PCDHGA4: variants seen among roughly 807,000 people sequenced by gnomAD.
PCDHGA4 encodes protocadherin gamma subfamily A, 4.
A neutral mutation model predicts 54.6 loss-of-function variants in PCDHGA4; 38 were observed. That is an observed-to-expected ratio of 0.70 (90% CI 0.54 to 0.91). The LOEUF (loss-of-function observed/expected upper bound fraction) is 0.91. Among genes scored for constraint, PCDHGA4 ranks in the 40% least tolerant of loss-of-function variants. The pLI is 0.00. For missense variants in PCDHGA4, 1,298 were observed against 1,220.9 expected, an observed-to-expected ratio of 1.06 and a Z score of -0.94; for synonymous variants, 511 against 512.9, an observed-to-expected ratio of 1.00 and a Z score of 0.05.
intron 1 of PCDHGA4, chr5:141,400,584 A>G (rs745551734): frequency 1.9e-6 from 3 of 1,609,038 alleles, no homozygotes; most frequent in Non-Finnish European, 8.5e-7. Flanking sequence ...TATTTACATG[A>G]AACTATCGTA....
At chr5:141,433,352 T>G (rs976015031) in intron 1 of PCDHGA4, 1 of 614,162 alleles carries the variant, frequency 1.6e-6, no homozygotes, top group Admixed American at 3.0e-5. Flanking sequence ...AGCCACCTAC[T>G]GTCTGCCTAT....
chr5:141,397,039 A>G (rs2093467837), intron 1 of PCDHGA4, among the ~76,000 whole-genome samples: 1 of 152,236 alleles, frequency 6.6e-6, no homozygotes, highest in Non-Finnish European at 1.5e-5. Context: ...CCACAAATTT[A>G]TGTAAATGAA....
Position 141,491,004 on chromosome 5 carries a change from G to T in PCDHGA4, c.2515-3803G>T. ...CTCGCTCTGCTCCTCCTGGCTCCTT[G>T]GTCACCAAGGTGACAGCCGTGGATG... On this transcript the variant is annotated intron_variant, in intron 1 of 3. Transcript: ENST00000571252. The surrounding 1 kb of genome is among the most constrained non-coding windows in gnomAD (Gnocchi z 6.9). The T allele has an allele frequency of 6.2e-7, 1 of 1,614,024 alleles. No individual in the cohort carries two copies. Among genetic ancestry groups the T allele is most frequent in the Non-Finnish European group, 8.5e-7 (1 of 1,180,026 alleles).
In PCDHGA4 at chr5:141,490,679, A is replaced by C; in HGVS notation, c.2515-4128A>C. On this transcript the variant is annotated intron_variant, in intron 1 of 3. Coordinates refer to ENST00000571252, the MANE Select transcript of PCDHGA4 (RefSeq NM_018917.4). The surrounding 1 kb of genome is among the most constrained non-coding windows in gnomAD (Gnocchi z 5.4). ...CTTCTTTGCACTGTGGCTGCCTCAG[A>C]TCCAGACACTGGGGATAATGCCCGC... 6.2e-7 allele frequency: 1 copy of C among 1,614,164 alleles called. No individual in the cohort carries two copies. The highest frequency in any genetic ancestry group is 8.5e-7 in the Non-Finnish European group (1 of 1,180,034).
chr5:141,415,325 C>A (rs1046074461), intron 1 of PCDHGA4: 2 of 1,614,094 alleles, frequency 1.2e-6, no homozygotes, highest in Non-Finnish European at 1.7e-6. Context: ...GTGCTGCTGG[C>A]GCACAGGCTG....
intron 1 of PCDHGA4, among the ~76,000 whole-genome samples, chr5:141,379,889 C>CTTTTTTTTTGTTTTTTTTTTTTTTTTT (rs1775948001): frequency 2.0e-5 from 1 of 50,830 alleles, no homozygotes; most frequent in Non-Finnish European, 3.9e-5. Context: ...GTGAAAGCCT[C>CTTTTTTTTTGTTTTTTTTTTTTTTTTT]TTTTTTTTTT....
chr5:141,372,235 C>T lies in PCDHGA4; in HGVS notation c.2514+14614C>T. The T allele has an allele frequency of 6.2e-7, 1 of 1,613,342 alleles. No homozygotes were observed. The highest frequency in any genetic ancestry group is 1.7e-5 in the Admixed American group (1 of 60,020). On this transcript the variant is annotated intron_variant, in intron 1 of 3. Coordinates refer to ENST00000571252, the MANE Select transcript of PCDHGA4 (RefSeq NM_018917.4). ...TACCACATTGTGCAGGCCAGCGAGC[C>T]CGGGCTGTTCAGCCTGGGCCTGCGC... is the stretch of plus-strand genomic sequence containing the variant.
At chr5:141,389,528 G>T (rs200792478) in intron 1 of PCDHGA4, 2 of 1,613,210 alleles carry the variant, frequency 1.2e-6, no homozygotes, top group Non-Finnish European at 1.7e-6. Flanking sequence ...GCCTGCGCGT[G>T]TTAGTGGACG....
At chr5:141,414,342 C>A in intron 1 of PCDHGA4, 2 of 1,613,810 alleles carry the variant, frequency 1.2e-6, no homozygotes, top group East Asian at 2.2e-5. Flanking sequence ...TAACCTGTTC[C>A]ATTTTGGCGT....
intron 1 of PCDHGA4, among the ~76,000 whole-genome samples, chr5:141,492,490 G>C (rs2099741140): frequency 6.6e-6 from 1 of 152,208 alleles, no homozygotes; most frequent in Non-Finnish European, 1.5e-5. Context: ...CCAGGACCAG[G>C]CGAGGACTCC....
Position 141,394,682 on chromosome 5 carries a change from G to A in PCDHGA4, c.2514+37061G>A, listed in dbSNP as rs546310598. 6.3e-5 allele frequency: 102 copies of A among 1,611,492 alleles called. No individual in the cohort carries two copies. The South Asian group carries it at 1.0e-3, about 16-fold the overall frequency. ...GACTCTTCTCGGTGGGTCTGCACAC[G>A]GGCGAGGTGCGCACGGCGCGAGCCC... On this transcript the variant is annotated intron_variant, in intron 1 of 3. Coordinates refer to ENST00000571252, the MANE Select transcript of PCDHGA4 (RefSeq NM_018917.4).
Position 141,384,980 on chromosome 5 carries a change from T to A in PCDHGA4, c.2514+27359T>A, listed in dbSNP as rs772144829. The A allele has an allele frequency of 1.1e-5, 18 of 1,614,040 alleles. No individual in the cohort carries two copies. In the South Asian group the frequency reaches 1.6e-4, roughly 15 times the overall value. On this transcript the variant is annotated intron_variant, in intron 1 of 3. Coordinates refer to ENST00000571252, the MANE Select transcript of PCDHGA4 (RefSeq NM_018917.4). Reference sequence around the variant, plus strand: ...AACTATGACCTCACGTTGTACCTGGTGGTGGCGGTGGCCACAGTCTCCTGC... The same window carrying A: ...AACTATGACCTCACGTTGTACCTGGAGGTGGCGGTGGCCACAGTCTCCTGC...
chr5:141,443,167 C>T (rs745545091), intron 1 of PCDHGA4, among the ~76,000 whole-genome samples: 4 of 152,084 alleles, frequency 2.6e-5, no homozygotes, highest in Non-Finnish European at 5.9e-5. Flanking sequence ...TTTCCCTACC[C>T]ATGTCCACTG....
chr5:141,358,211 G>C (rs1760853496), intron 1 of PCDHGA4, among the ~76,000 whole-genome samples: 1 of 152,100 alleles, frequency 6.6e-6, no homozygotes, highest in South Asian at 2.1e-4. Flanking sequence ...ATAAAATAAA[G>C]TAAAATAAAG....
rs760991586 is a variant in PCDHGA4, at chr5:141,355,909, G to A, written c.802G>A (p.Asp268Asn). ...TCTCATAATACTTGTGGATACCAAC[G>A]ATAATGCTCCCGTGTTCACTCAGCC... ...RILIILVDTN[D>N]NAPVFTQPEY... The change falls in exon 1 of 4, where the codon GAT becomes AAT. Residue 268 changes from aspartate (D) to asparagine (N), a missense_variant. By Grantham distance (23) the Asp-to-Asn change is conservative (BLOSUM62 1). Coordinates refer to ENST00000571252, the MANE Select transcript of PCDHGA4 (RefSeq NM_018917.4). The A allele has an allele frequency of 9.3e-6, 15 of 1,613,730 alleles. No individual in the cohort carries two copies. Among genetic ancestry groups the A allele is most frequent in the Non-Finnish European group, 1.2e-5 (14 of 1,179,830 alleles).
chr5:141,390,999 A>C (rs982856270), intron 1 of PCDHGA4: 23 of 152,216 alleles, frequency 1.5e-4, no homozygotes, highest in African/African-American at 5.6e-4. Context: ...ATTCAAGCTC[A>C]TTCTATATCC....
In PCDHGA4 at chr5:141,476,628, C is replaced by T. The variant is rs899753438; in HGVS notation, c.2515-18179C>T. 6.2e-6 allele frequency: 10 copies of T among 1,614,160 alleles called. No individual in the cohort carries two copies. The highest frequency in any genetic ancestry group is 7.6e-6 in the Non-Finnish European group (9 of 1,180,068). On this transcript the variant is annotated intron_variant, in intron 1 of 3. Coordinates refer to ENST00000571252, the MANE Select transcript of PCDHGA4 (RefSeq NM_018917.4). The surrounding 1 kb of genome is among the most constrained non-coding windows in gnomAD (Gnocchi z 7.6). ...GATGTGGGAAGCAACTCTTTACAAACCTATGAGCTGAGCCGAAATGAATAC... is the reference window on the plus strand; with the variant it reads ...GATGTGGGAAGCAACTCTTTACAAATCTATGAGCTGAGCCGAAATGAATAC...
chr5:141,451,326 G>T (rs189445228), intron 1 of PCDHGA4, among the ~76,000 whole-genome samples: 3 of 152,278 alleles, frequency 2.0e-5, no homozygotes, highest in Admixed American at 2.0e-4. Context: ...GTCACCTAAG[G>T]CTATTGTCTT....
chr5:141,422,670 C>CA (rs754910458), intron 1 of PCDHGA4: 6 of 1,607,126 alleles, frequency 3.7e-6, no homozygotes, highest in Non-Finnish European at 1.7e-6. Flanking sequence ...TCGACCCGGA[C>CA]AGCAAACAGA....
Sources: gnomAD v4.1 joint callset for allele counts (sites outside exome capture counted in the v4.1 genomes callset) on GRCh38, gnomAD v4.1.1 for gene constraint, Gnocchi (gnomAD v3.1) non-coding constraint, MANE v1.5 for transcripts, NCBI Gene and HGNC (gene_info 2026-07-23, HGNC 2026-07-21) for gene names.